Variants in CSNK2A2 observed in about 807,000 individuals in gnomAD.
The protein encoded by CSNK2A2 is casein kinase 2 alpha 2.
CSNK2A2 carries 8 observed loss-of-function variants against 54.0 expected under a neutral mutation model. The ratio of observed to expected loss-of-function variants is 0.15; its 90% confidence interval spans 0.09 to 0.27. The LOEUF (loss-of-function observed/expected upper bound fraction) is 0.27. Among genes scored for constraint, CSNK2A2 ranks in the 10% least tolerant of loss-of-function variants. CSNK2A2 has a pLI of 1.00. For missense variants in CSNK2A2, 242 were observed against 439.4 expected, an observed-to-expected ratio of 0.55 and a Z score of 4.02; for synonymous variants, 141 against 153.9, an observed-to-expected ratio of 0.92 and a Z score of 0.62.
intron 11 of CSNK2A2, 100 bp downstream of exon 11, chr16:58,163,954 A>T: frequency 1.1e-6 from 1 of 946,042 alleles, no homozygotes; most frequent in Non-Finnish European, 1.6e-6. Context: ...CTGTGCATTT[A>T]GAAGGAATGA....
In CSNK2A2 at chr16:58,186,790, T is replaced by C. The variant is rs1437189490; in HGVS notation, c.283A>G (p.Ile95Val). The change falls in exon 3 of 12, where the codon ATC becomes GTC. Residue 95 changes from isoleucine to valine, a missense_variant. Around this residue, in one of 5 missense-constraint regions of CSNK2A2, gnomAD observed 69 missense variants for 97.0 expected, o/e 0.71. Coordinates refer to ENST00000262506, the MANE Select transcript of CSNK2A2 (RefSeq NM_001896.4). ...ILENLRGGTN[I>V]IKLIDTVKDP... ...TTTACAGTGTCAATCAGCTTAATGATATTTGTTCCACCACGAAGGTTCTCC... is the reference window on the plus strand; with the variant it reads ...TTTACAGTGTCAATCAGCTTAATGACATTTGTTCCACCACGAAGGTTCTCC... 1 of 1,614,176 alleles carries C rather than the reference T, an allele frequency of 6.2e-7. No individual in the cohort carries two copies. The highest frequency in any genetic ancestry group is 8.5e-7 in the Non-Finnish European group (1 of 1,179,998).
chr16:58,192,844 C>T (rs1182204011), intron 2 of CSNK2A2: 10 of 152,236 alleles, frequency 6.6e-5, no homozygotes, highest in Non-Finnish European at 1.5e-4. Flanking sequence ...GACTACATGA[C>T]GCTGAGCATA....
At chr16:58,166,421 A>G (rs1300299009) in intron 9 of CSNK2A2, among the ~76,000 whole-genome samples, 163 bp downstream of exon 9, 1 of 152,242 alleles carries the variant, frequency 6.6e-6, no homozygotes, top group African/African-American at 2.4e-5. Flanking sequence ...TAAAAGACAT[A>G]AAGTCCAAAT....
At chr16:58,162,627 GA>G (rs1266050706) in intron 11 of CSNK2A2, 1 of 152,170 alleles carries the variant, frequency 6.6e-6, no homozygotes, top group Non-Finnish European at 1.5e-5. Flanking sequence ...AGTTAATAAA[GA>G]AATCTTAAAG....
intron 2 of CSNK2A2, among the ~76,000 whole-genome samples, chr16:58,193,910 TAGAC>T (rs1411952731): frequency 6.6e-6 from 1 of 152,224 alleles, no homozygotes; most frequent in Admixed American, 6.5e-5. Context: ...CACTTGGGGA[TAGAC>T]AGTAAAATTT....
At chr16:58,192,639 G>C (rs1962346761) in intron 2 of CSNK2A2, 1 of 152,154 alleles carries the variant, frequency 6.6e-6, no homozygotes, top group South Asian at 2.1e-4. Flanking sequence ...CACTTCCTTT[G>C]AGAAAAATAA....
intron 11 of CSNK2A2, 92 bp downstream of exon 11, chr16:58,163,962 T>C (rs1961483127): frequency 2.0e-6 from 2 of 1,000,224 alleles, no homozygotes; most frequent in Admixed American, 2.0e-5. Context: ...TTAGAAGGAA[T>C]GATAAGAATT....
chr16:58,171,958 C>CATATATATATATATATAT (rs71155247), intron 5 of CSNK2A2, among the ~76,000 whole-genome samples: 38 of 31,316 alleles, frequency 1.2e-3, no homozygotes, highest in East Asian at 4.4e-3. Flanking sequence ...CTGGAGCATG[C>CATATATATATATATATAT]ATATATATAT....
chr16:58,179,572 T>G (rs1961973323), intron 4 of CSNK2A2, among the ~76,000 whole-genome samples: 1 of 151,870 alleles, frequency 6.6e-6, no homozygotes, highest in Non-Finnish European at 1.5e-5. Context: ...GGCAAAACAG[T>G]AACAACTGGT....
At position 58,197,628 on chromosome 16, in the gene CSNK2A2, T is replaced by A. The variant is rs1231691297; in HGVS notation, c.104+5A>T. On this transcript the variant is annotated splice_donor_5th_base_variant and intron_variant, in intron 1 of 11. Coordinates refer to ENST00000262506, the MANE Select transcript of CSNK2A2 (RefSeq NM_001896.4). This position sits in a 1 kb window ranked among gnomAD's most constrained non-coding sequence, Gnocchi z 4.0. ...GGGCCCGGCGGGGGGCGGCGACGGC[T>A]TTACCCCCAGCTCGGGACGTGAGCC... 2 of 1,553,488 alleles carry A rather than the reference T, an allele frequency of 1.3e-6. No homozygotes were observed. Among genetic ancestry groups the A allele is most frequent in the Non-Finnish European group, 1.7e-6 (2 of 1,150,988 alleles).
At chr16:58,172,671 T>G (rs1275336908) in intron 5 of CSNK2A2, among the ~76,000 whole-genome samples, 2 of 152,272 alleles carry the variant, frequency 1.3e-5, no homozygotes, top group Non-Finnish European at 2.9e-5. Context: ...TTGCCAAGTT[T>G]CCTAGTCGGA....
intron 6 of CSNK2A2, 47 bp from the exon 7 acceptor site, chr16:58,167,842 G>T: frequency 6.9e-7 from 1 of 1,456,074 alleles, no homozygotes; most frequent in Non-Finnish European, 9.6e-7. Context: ...GTTTCTAGAC[G>T]CCTATGCCTT....
chr16:58,194,572 GC>G (rs1232101273), intron 2 of CSNK2A2, among the ~76,000 whole-genome samples: 1 of 152,130 alleles, frequency 6.6e-6, no homozygotes, highest in Non-Finnish European at 1.5e-5. Flanking sequence ...TTAACTAGGG[GC>G]CTCCCAAGTC....
chr16:58,188,825 T>C (rs938366261), intron 2 of CSNK2A2, among the ~76,000 whole-genome samples: 2 of 152,132 alleles, frequency 1.3e-5, no homozygotes, highest in African/African-American at 4.8e-5. Context: ...TGTGTGTATA[T>C]GAGAGAGAAA....
Position 58,174,452 on chromosome 16 carries a change from T to G in CSNK2A2, c.428A>C (p.Lys143Thr). ...TAATGGTTTATGAACACCACTTACT[T>G]TAAGTAGTTCATACATATAAAACCG... ...DIRFYMYELLKALDYCHSKGI... is the reference protein window; with the variant it reads ...DIRFYMYELLTALDYCHSKGI... The change falls in exon 5 of 12, where the codon AAA (lysine) becomes ACA (threonine). Residue 143 changes from lysine (K) to threonine (T), a missense_variant and splice_region_variant. Lys to Thr is a moderately conservative substitution (Grantham distance 78, BLOSUM62 -1). This residue lies in a region of CSNK2A2 where 40 missense variants were observed against 128.7 expected (regional missense o/e 0.31). Coordinates refer to ENST00000262506, the MANE Select transcript of CSNK2A2 (RefSeq NM_001896.4). The G allele has an allele frequency of 1.9e-6, 3 of 1,606,206 alleles. No individual in the cohort carries two copies. Among genetic ancestry groups the G allele is most frequent in the Non-Finnish European group, 2.6e-6 (3 of 1,175,228 alleles).
intron 5 of CSNK2A2, chr16:58,173,881 T>C (rs1961805924): frequency 6.6e-6 from 1 of 152,096 alleles, no homozygotes; most frequent in Non-Finnish European, 1.5e-5. Context: ...AGGTAGAGGG[T>C]TGAAAAGTGC....
At chr16:58,162,049 A>AGTG (rs1961394018) in intron 11 of CSNK2A2, 1 of 151,950 alleles carries the variant, frequency 6.6e-6, no homozygotes, top group Non-Finnish European at 1.5e-5. Flanking sequence ...ACCCTCCAGT[A>AGTG]GGCACCTCTT....
chr16:58,167,544 C>A, intron 7 of CSNK2A2, 141 bp downstream of exon 7: 2 of 669,352 alleles, frequency 3.0e-6, no homozygotes, highest in South Asian at 2.2e-5. Context: ...AAAAAACTAG[C>A]TGAGAAAAAA....
At chr16:58,187,056 A>G (rs1394859444) in intron 2 of CSNK2A2, among the ~76,000 whole-genome samples, 200 bp from the exon 3 acceptor site, 2 of 152,018 alleles carry the variant, frequency 1.3e-5, no homozygotes, top group Non-Finnish European at 2.9e-5. Flanking sequence ...AATAATTTAC[A>G]GACTCATACA....
Sources: gnomAD v4.1 joint callset for allele counts (sites outside exome capture counted in the v4.1 genomes callset) on GRCh38, gnomAD v4.1.1 for gene constraint, gnomAD v4.1.1 regional missense constraint, Gnocchi (gnomAD v3.1) non-coding constraint, MANE v1.5 for transcripts, NCBI Gene and HGNC (gene_info 2026-07-23, HGNC 2026-07-21) for gene names.